Variants in ATRNL1 observed in about 807,000 individuals in gnomAD.
ATRNL1 encodes the protein attractin-like protein 1.
A neutral mutation model predicts 182.7 loss-of-function variants in ATRNL1; 95 were observed. The ratio of observed to expected loss-of-function variants is 0.52; its 90% CI spans 0.44 to 0.62. The LOEUF is 0.62. Among genes scored for constraint, ATRNL1 ranks in the 20% least tolerant of loss-of-function variants. The probability of loss-of-function intolerance (pLI) is 0.00; values close to 1 mark genes in which losing one functional copy is unlikely to be tolerated. For synonymous variants in ATRNL1, 576 were observed against 568.3 expected, an observed-to-expected ratio of 1.01 and a Z score of -0.19; for missense variants, 1,471 against 1,679.5, an observed-to-expected ratio of 0.88 and a Z score of 2.17.
chr10:115,622,325 A>G (rs1481686426), intron 26 of ATRNL1, among the ~76,000 whole-genome samples: 12 of 152,202 alleles, frequency 7.9e-5, no homozygotes, highest in African/African-American at 2.9e-4. Flanking sequence ...TTATCTCAGG[A>G]GTCCATACCA....
At chr10:115,120,637 A>C (rs1275626462) in intron 2 of ATRNL1, among the ~76,000 whole-genome samples, 1 of 152,126 alleles carries the variant, frequency 6.6e-6, no homozygotes, top group Non-Finnish European at 1.5e-5. Flanking sequence ...GGTATTTTTA[A>C]AAGAACATTT....
Position 115,172,803 on chromosome 10 carries a change from T to C in ATRNL1, c.1348+1511T>C, listed in dbSNP as rs1847344460. On this transcript the variant is annotated intron_variant, in intron 8 of 28. Coordinates refer to ENST00000355044, the MANE Select transcript of ATRNL1 (RefSeq NM_207303.4). ...CTAGCCCTACCCATACTTCTAAACG[T>C]ACCTAGCTTTAAATTTCATAATTAC... is the stretch of plus-strand genomic sequence containing the variant. 2.0e-5 allele frequency among the ~76,000 whole-genome samples: 3 copies of C among 151,642 alleles called. No individual in the cohort carries two copies. The South Asian group carries it at 6.2e-4, about 32-fold the overall frequency.
At position 115,467,179 on chromosome 10, in the gene ATRNL1, CA is replaced by C; in HGVS notation, c.3428del (p.Asn1143IlefsTer34). The C allele has an allele frequency of 6.2e-7, 1 of 1,600,630 alleles. No homozygotes were observed. The highest frequency in any genetic ancestry group is 8.5e-7 in the Non-Finnish European group (1 of 1,171,570). On this transcript the variant is annotated frameshift_variant, in exon 23 of 29. Coordinates refer to ENST00000355044, the MANE Select transcript of ATRNL1 (RefSeq NM_207303.4). LOFTEE classifies it high-confidence loss of function. ...NFIANPEQSN[K>X]NLDISINASN... ...AATATTTTCTTTTCTGGTAGTCGAA[CA>C]AAAATCTGGATATATCAATTAATGC...
At chr10:115,517,454 A>G (rs782570173) in intron 24 of ATRNL1, among the ~76,000 whole-genome samples, 3 of 151,872 alleles carry the variant, frequency 2.0e-5, no homozygotes, top group Non-Finnish European at 4.4e-5. Context: ...GCTGAATTGT[A>G]TCTTTACTGC....
intron 6 of ATRNL1, among the ~76,000 whole-genome samples, chr10:115,162,629 G>A (rs1437317531): frequency 6.6e-6 from 1 of 150,526 alleles, no homozygotes; most frequent in Non-Finnish European, 1.5e-5. Flanking sequence ...ATATACTGGG[G>A]ATTAGGAGGA....
chr10:115,293,422 C>T (rs1247126833), intron 15 of ATRNL1, among the ~76,000 whole-genome samples: 2 of 152,020 alleles, frequency 1.3e-5, no homozygotes, highest in Non-Finnish European at 2.9e-5. Context: ...TACATCTTTT[C>T]TTCCTTTGTA....
chr10:115,179,736 A>C (rs944050935), intron 8 of ATRNL1, among the ~76,000 whole-genome samples: 5 of 152,100 alleles, frequency 3.3e-5, no homozygotes, highest in African/African-American at 1.2e-4. Flanking sequence ...TAGTGGATAA[A>C]AATGTTGGCA....
At chr10:115,781,327 T>A (rs2134189816) in intron 27 of ATRNL1, among the ~76,000 whole-genome samples, 1 of 152,278 alleles carries the variant, frequency 6.6e-6, no homozygotes, top group African/African-American at 2.4e-5. Flanking sequence ...ATACATACTG[T>A]ATGACCAGCA....
chr10:115,455,685 A>G (rs1847490277), intron 21 of ATRNL1, among the ~76,000 whole-genome samples: 1 of 152,202 alleles, frequency 6.6e-6, no homozygotes, highest in South Asian at 2.1e-4. Flanking sequence ...AACTATCACC[A>G]GAGTGAACAG....
chr10:115,879,329 A>T (rs1333378527), intron 28 of ATRNL1, among the ~76,000 whole-genome samples: 1 of 151,714 alleles, frequency 6.6e-6, no homozygotes. Flanking sequence ...AGAAAGAAAG[A>T]AATTTTATAG....
At chr10:115,661,775 AT>A (rs71010039) in intron 26 of ATRNL1, among the ~76,000 whole-genome samples, 46 of 151,896 alleles carry the variant, frequency 3.0e-4, no homozygotes, top group South Asian at 1.0e-3. Context: ...TTAAAATTGC[AT>A]TTTTTTTATT....
chr10:115,598,520 C>G (rs1257929174), intron 26 of ATRNL1, among the ~76,000 whole-genome samples: 2 of 151,602 alleles, frequency 1.3e-5, no homozygotes, highest in Non-Finnish European at 2.9e-5. Flanking sequence ...CACACCACCA[C>G]GCCTGGCTAA....
intron 26 of ATRNL1, among the ~76,000 whole-genome samples, chr10:115,621,995 A>G (rs1173345129): frequency 6.6e-6 from 1 of 152,168 alleles, no homozygotes; most frequent in Admixed American, 6.5e-5. Context: ...CCAGACACTA[A>G]AGGTGAGGTG....
At chr10:115,220,196 G>A (rs1554897135) in intron 9 of ATRNL1, among the ~76,000 whole-genome samples, 1 of 152,168 alleles carries the variant, frequency 6.6e-6, no homozygotes. Context: ...CAATAGGCAG[G>A]ATCAACTCTT....
At chr10:115,100,361 A>AT (rs535526552) in intron 1 of ATRNL1, among the ~76,000 whole-genome samples, 11 of 151,730 alleles carry the variant, frequency 7.2e-5, no homozygotes, top group South Asian at 6.2e-4. Flanking sequence ...GATTTTCTTC[A>AT]TTTTTTTTCT....
chr10:115,549,074 AAAT>A (rs1213003731), intron 25 of ATRNL1, among the ~76,000 whole-genome samples: 3 of 152,208 alleles, frequency 2.0e-5, no homozygotes, highest in Middle Eastern at 3.4e-3. Context: ...ATAGTGATAA[AAAT>A]AATATAAATG....
intron 27 of ATRNL1, among the ~76,000 whole-genome samples, chr10:115,766,396 T>C (rs1948859555): frequency 6.6e-6 from 1 of 152,232 alleles, no homozygotes; most frequent in South Asian, 2.1e-4. Flanking sequence ...CAAAGATGTT[T>C]CCAGACATTA....
intron 28 of ATRNL1, among the ~76,000 whole-genome samples, chr10:115,930,934 A>G (rs1292076019): frequency 6.6e-6 from 1 of 152,160 alleles, no homozygotes; most frequent in African/African-American, 2.4e-5. Flanking sequence ...GCTATTTCCA[A>G]CTCCTGAAAG....
chr10:115,869,714 A>T (rs1589627873), intron 28 of ATRNL1, among the ~76,000 whole-genome samples: 1 of 152,268 alleles, frequency 6.6e-6, no homozygotes, highest in Non-Finnish European at 1.5e-5. Context: ...CAACCCCGAG[A>T]TAACCAATAA....
Sources: gnomAD v4.1 joint callset for allele counts (sites outside exome capture counted in the v4.1 genomes callset) on GRCh38, gnomAD v4.1.1 for gene constraint, MANE v1.5 for transcripts, NCBI Gene and HGNC (gene_info 2026-07-23, HGNC 2026-07-21) for gene names.